Variants in HIRA observed in about 807,000 individuals in gnomAD.
HIRA encodes histone cell cycle regulator, also known as protein HIRA.
A neutral mutation model predicts 126.6 loss-of-function variants in HIRA; 13 were observed. The observed-to-expected ratio is 0.10, with a 90% confidence interval of 0.07 to 0.16. The LOEUF is 0.16. Among genes scored for constraint, HIRA ranks in the 10% least tolerant of loss-of-function variants. The pLI, the probability that HIRA is intolerant of heterozygous loss-of-function variation, is 1.00. For synonymous variants in HIRA, 511 were observed against 520.0 expected, an observed-to-expected ratio of 0.98 and a Z score of 0.24; for missense variants, 834 against 1,314.4, an observed-to-expected ratio of 0.63 and a Z score of 5.65.
In HIRA at chr22:19,351,835, G is replaced by A. The variant is rs571862943; in HGVS notation, c.2849-389C>T. 2.4e-3 allele frequency among the ~76,000 whole-genome samples: 364 copies of A among 152,272 alleles called. 2 individuals carry two copies. Among genetic ancestry groups the A allele is most frequent in the Non-Finnish European group, 4.1e-3 (281 of 68,026 alleles). On this transcript the variant is annotated intron_variant, in intron 23 of 24. Coordinates refer to ENST00000263208, the MANE Select transcript of HIRA (RefSeq NM_003325.4). The surrounding 1 kb of genome is among the most constrained non-coding windows in gnomAD (Gnocchi z 4.8). ...GCAGCTGGTGTTGAGGGGAGGTCAGGAGGGTGGGACGGCCAGCCCGCAGGA... is the reference window on the plus strand; with the variant it reads ...GCAGCTGGTGTTGAGGGGAGGTCAGAAGGGTGGGACGGCCAGCCCGCAGGA...
Position 19,385,742 on chromosome 22 carries a change from G to T in HIRA, c.1114-6C>A, listed in dbSNP as rs1055016911. On this transcript the variant is annotated splice_region_variant and splice_polypyrimidine_tract_variant and intron_variant, in intron 11 of 24. Coordinates refer to ENST00000263208, the MANE Select transcript of HIRA (RefSeq NM_003325.4). Reference sequence around the variant, plus strand: ...GTGGACTGGTGAATGCGGCTCTGGGGAAGCAAGGAGAGGCATGACATGCCA... The same window carrying T: ...GTGGACTGGTGAATGCGGCTCTGGGTAAGCAAGGAGAGGCATGACATGCCA... 2 of 1,611,014 alleles carry T rather than the reference G, an allele frequency of 1.2e-6. No individual in the cohort carries two copies. The highest frequency in any genetic ancestry group is 1.7e-5 in the Admixed American group (1 of 59,462).
chr22:19,407,915 C>A (rs2089320944), intron 3 of HIRA, among the ~76,000 whole-genome samples: 1 of 152,176 alleles, frequency 6.6e-6, no homozygotes, highest in South Asian at 2.1e-4. Context: ...AAGTTGTAGC[C>A]CCCACATGGC....
At position 19,359,360 on chromosome 22, in the gene HIRA, C is replaced by T. The variant is rs1306228518; in HGVS notation, c.2210G>A (p.Arg737Gln). 3.7e-6 allele frequency: 6 copies of T among 1,600,590 alleles called. No homozygotes were observed. The highest frequency in any genetic ancestry group is 5.1e-6 in the Non-Finnish European group (6 of 1,173,754). ...GKEWETVLTS[R>Q]ILTAAGSCDV... ...CCAGCTGCCCGCAGCAGTGAGGATC[C>T]GGCTGGTGAGTACCGTCTCCCACTC... is the stretch of plus-strand genomic sequence containing the variant. The change falls in exon 18 of 25, where the codon CGG (arginine) becomes CAG (glutamine). Residue 737 changes from arginine (R) to glutamine (Q), a missense_variant. By Grantham distance (43) the Arg-to-Gln change is conservative. Around this residue, in one of 5 missense-constraint regions of HIRA, gnomAD observed 468 missense variants for 574.2 expected, o/e 0.82. Coordinates refer to ENST00000263208, the MANE Select transcript of HIRA (RefSeq NM_003325.4).
intron 24 of HIRA, among the ~76,000 whole-genome samples, chr22:19,348,376 G>A (rs558168609): frequency 6.6e-6 from 1 of 152,074 alleles, no homozygotes. Context: ...ATCTGCAAAG[G>A]CTCCTGATAC....
At chr22:19,333,884 G>C (rs1019575819) in intron 24 of HIRA, among the ~76,000 whole-genome samples, 13 of 152,008 alleles carry the variant, frequency 8.6e-5, no homozygotes, top group Non-Finnish European at 1.3e-4. Flanking sequence ...CCCTTCTAGT[G>C]AACTTTTCAA....
At chr22:19,375,873 T>C (rs1300288535) in intron 14 of HIRA, 81 bp from the exon 15 acceptor site, 1 of 1,446,776 alleles carries the variant, frequency 6.9e-7, no homozygotes, top group Non-Finnish European at 9.4e-7. Flanking sequence ...ATTTGGAGCC[T>C]ACTAAAAAAG....
rs114901181 is a variant in HIRA at position 19,407,649 on chromosome 22, C to T, written c.212-375G>A. On this transcript the variant is annotated intron_variant, in intron 3 of 24. Transcript: ENST00000263208. ...AGAGATTATTCTCAAAAAAAGAGTA[C>T]GTGCTAAAAAGGGTCAGATGCTTTT... Among the ~76,000 whole-genome samples the T allele has an allele frequency of 3.4e-3, 523 of 152,282 alleles. 3 individuals are homozygous for T. Among genetic ancestry groups the T allele is most frequent in the African/African-American group, 0.012 (501 of 41,550 alleles).
At chr22:19,405,711 C>A (rs2089302533) in intron 5 of HIRA, 75 bp downstream of exon 5, 3 of 1,125,330 alleles carry the variant, frequency 2.7e-6, no homozygotes, top group Admixed American at 3.3e-5. Context: ...AACAGTCCCA[C>A]AGGGGACGTG....
At chr22:19,417,201 A>AAAAAG (rs149384804) in intron 1 of HIRA, among the ~76,000 whole-genome samples, 43 of 152,132 alleles carry the variant, frequency 2.8e-4, no homozygotes, top group East Asian at 1.9e-3. Flanking sequence ...CTCTGTCTCA[A>AAAAAG]AAAAGAAAAG....
intron 19 of HIRA, 21 bp from the exon 20 acceptor site, chr22:19,356,309 A>C: frequency 6.2e-7 from 1 of 1,611,418 alleles, no homozygotes; most frequent in Non-Finnish European, 8.5e-7. Flanking sequence ...GACAGGGAAC[A>C]GTTTACTCAC....
At chr22:19,374,830 C>A (rs183718838) in intron 15 of HIRA, among the ~76,000 whole-genome samples, 133 of 152,248 alleles carry the variant, frequency 8.7e-4, no homozygotes, top group African/African-American at 2.2e-3. Flanking sequence ...GCTGCTGAGC[C>A]CTATAAACCT....
chr22:19,389,872 A>T (rs187678223), intron 9 of HIRA, among the ~76,000 whole-genome samples: 78 of 152,162 alleles, frequency 5.1e-4, no homozygotes, highest in African/African-American at 1.5e-3. Context: ...AAAAAAAAAA[A>T]AAAATCACAA....
intron 24 of HIRA, among the ~76,000 whole-genome samples, chr22:19,332,154 C>T (rs2088496642): frequency 6.6e-6 from 1 of 152,224 alleles, no homozygotes; most frequent in African/African-American, 2.4e-5. Context: ...CTCTGCTGCA[C>T]AGACCAAAAG....
In HIRA at chr22:19,354,018, T is replaced by C. The variant is rs371162057; in HGVS notation, c.2662A>G (p.Ile888Val). The C allele has an allele frequency of 1.9e-6, 3 of 1,613,380 alleles. No homozygotes were observed. The highest frequency in any genetic ancestry group is 3.3e-5 in the Admixed American group (2 of 59,902). The change falls in exon 22 of 25, where the codon ATA becomes GTA. Residue 888 changes from isoleucine (I) to valine (V), a missense_variant. Coordinates refer to ENST00000263208, the MANE Select transcript of HIRA (RefSeq NM_003325.4). ...DAMLCSGPLA[I>V]IQGRTSNSGR... ...TACTTGGAGGTGCGGCCCTGGATTA[T>C]GGCTAACGGTCCTGAGCACAGCATG...
chr22:19,331,514 T>C lies in HIRA; in HGVS notation c.2980A>G (p.Ile994Val). ...CGCTGGAATCGGAGGTTCTGCCCGA[T>C]GACTGGTAGCAGCTCCTTCAGCAGC... ...RELLKELLPV[I>V]GQNLRFQRLF... Residue 994 changes from isoleucine to valine, a missense_variant, in exon 25 of 25, where the codon ATC becomes GTC. Coordinates refer to ENST00000263208, the MANE Select transcript of HIRA (RefSeq NM_003325.4). The C allele has an allele frequency of 6.2e-7, 1 of 1,612,868 alleles. No individual in the cohort carries two copies. Among genetic ancestry groups the C allele is most frequent in the South Asian group, 1.1e-5 (1 of 90,954 alleles).
At chr22:19,398,270 A>G (rs1191275494) in intron 5 of HIRA, among the ~76,000 whole-genome samples, 183 bp from the exon 6 acceptor site, 3 of 152,228 alleles carry the variant, frequency 2.0e-5, no homozygotes, top group East Asian at 1.9e-4. Flanking sequence ...AACCGACCCC[A>G]GTGCCTCACT....
At chr22:19,425,986 G>T (rs756053688) in intron 1 of HIRA, among the ~76,000 whole-genome samples, 14 of 152,122 alleles carry the variant, frequency 9.2e-5, no homozygotes, top group Admixed American at 2.0e-4. Flanking sequence ...ACTCCAGCCT[G>T]GCCTGGGTAA....
chr22:19,331,347 C>T lies in HIRA; in HGVS notation c.*93G>A, dbSNP rs782262636. ...CATCTCCTGCCAGTGTCTCCTCCCC[C>T]TACAGCCTGGTCAGGTGAGAGGCGG... On this transcript the variant is annotated 3_prime_UTR_variant, in exon 25 of 25. Coordinates refer to ENST00000263208, the MANE Select transcript of HIRA (RefSeq NM_003325.4). 6.2e-7 allele frequency: 1 copy of T among 1,601,868 alleles called. No individual in the cohort carries two copies.
At chr22:19,363,257 A>G (rs973079708) in intron 15 of HIRA, among the ~76,000 whole-genome samples, 1 of 151,966 alleles carries the variant, frequency 6.6e-6, no homozygotes, top group Non-Finnish European at 1.5e-5. Flanking sequence ...AAAAAACAAA[A>G]AAAAGAAATG....
Sources: allele counts gnomAD v4.1 joint callset (sites outside exome capture counted in the v4.1 genomes callset), GRCh38; gene constraint gnomAD v4.1.1; regional missense constraint gnomAD v4.1.1; non-coding constraint Gnocchi (gnomAD v3.1); transcripts MANE v1.5; gene names NCBI Gene and HGNC (gene_info 2026-07-23, HGNC 2026-07-21).